MUC4: variants seen among roughly 807,000 people sequenced by gnomAD.
MUC4 encodes the protein mucin-4.
MUC4 carries 202 observed loss-of-function variants against 257.9 expected under a neutral mutation model. The observed-to-expected ratio is 0.78, with a 90% CI of 0.70 to 0.88. MUC4 has a LOEUF of 0.88. MUC4 is among the 40% of genes least tolerant of loss of function. The pLI, the probability that MUC4 is intolerant of heterozygous loss-of-function variation, is 0.00. For missense variants in MUC4, 5,976 were observed against 6,513.7 expected (o/e 0.92, Z 2.84); for synonymous variants, 2,351 against 2,757.1 (o/e 0.85, Z 4.62).
rs534667736 is a variant in MUC4, at chr3:195,811,823, C to A, written c.-6G>T. ...CTCCAGCGTGCCCCCTTCATGGCTG[C>A]GGCAAAAGTCCCCCTGGCTCCCTGG... On this transcript the variant is annotated 5_prime_UTR_variant, in exon 1 of 25. Transcript: ENST00000463781. 6 of 1,613,228 alleles carry A rather than the reference C, an allele frequency of 3.7e-6. No homozygotes were observed. The highest frequency in any genetic ancestry group is 2.7e-5 in the African/African-American group (2 of 74,910).
chr3:195,747,477 G>T, intron 24 of MUC4, 97 bp from the exon 25 acceptor site: 4 of 1,360,334 alleles, frequency 2.9e-6, no homozygotes, highest in South Asian at 2.5e-5. Context: ...TGTAGGAGAG[G>T]CTGGGCTCGC....
rs1340622092 is a variant in MUC4 at position 195,790,727 on chromosome 3, C to G, written c.853G>C (p.Val285Leu). The stretch of plus-strand genomic sequence containing the variant: ...GTGACTGGCATAAGACTTCCAGTAA[C>G]AGGTACTGATGATGTCTCCCCTGGG... The part of the protein sequence containing the change: ...GNPGETSSVP[V>L]TGSLMPVTSA... The change falls in exon 2 of 25, where the codon GTT (valine) becomes CTT (leucine). Residue 285 changes from valine to leucine, a missense_variant. Transcript: ENST00000463781. The G allele has an allele frequency of 6.2e-7, 1 of 1,613,986 alleles. No individual in the cohort carries two copies. The highest frequency in any genetic ancestry group is 8.5e-7 in the Non-Finnish European group (1 of 1,179,896).
At position 195,788,168 on chromosome 3, in the gene MUC4, G is replaced by A. The variant is rs761047565; in HGVS notation, c.3412C>T (p.Pro1138Ser). 1 of 1,471,410 alleles carries A rather than the reference G, an allele frequency of 6.8e-7. No homozygotes were observed. The allele number at this position is 1,471,410 out of a possible 1,614,324, so 91.1% of individuals were successfully genotyped here. A position where few individuals can be genotyped will look rare whatever the true frequency, so the allele number is the denominator to read the frequency against. ...GATACTGAGGAAGTGTCGGTGACAGGAAGAGAGGTGGCGTGACCTGTGGAT... is the reference window on the plus strand; with the variant it reads ...GATACTGAGGAAGTGTCGGTGACAGAAAGAGAGGTGGCGTGACCTGTGGAT... ...SASTGHATSL[P>S]VTDTSSVSTG... is the part of the protein sequence containing the mutation. The change falls in exon 2 of 25, where the codon CCT becomes TCT. Residue 1138 changes from proline to serine, a missense_variant. Around this residue, in one of 44 missense-constraint regions of MUC4, gnomAD observed 11 missense variants for 41.1 expected, o/e 0.27. Coordinates refer to ENST00000463781, the MANE Select transcript of MUC4 (RefSeq NM_018406.7).
At chr3:195,754,870 AATGT>A in intron 18 of MUC4, among the ~76,000 whole-genome samples, 1 of 38,164 alleles carries the variant, frequency 2.6e-5, no homozygotes, top group South Asian at 8.8e-4. Flanking sequence ...GATATGTATC[AATGT>A]ATGTATCCAT....
At chr3:195,794,026 C>T (rs761128772) in intron 1 of MUC4, among the ~76,000 whole-genome samples, 6 of 151,286 alleles carry the variant, frequency 4.0e-5, no homozygotes, top group Admixed American at 6.6e-5. Flanking sequence ...GAGGATCACT[C>T]GAGGCCAGGA....
At chr3:195,761,857 C>T (rs1560243038) in intron 14 of MUC4, among the ~76,000 whole-genome samples, 1 of 152,132 alleles carries the variant, frequency 6.6e-6, no homozygotes, top group African/African-American at 2.4e-5. Flanking sequence ...TGCCCCCCGC[C>T]TCCCCGCAGC....
intron 5 of MUC4, chr3:195,770,676 A>C: frequency 2.1e-6 from 1 of 480,514 alleles, no homozygotes; most frequent in Admixed American, 3.3e-5. Context: ...GCCCACTTTT[A>C]CCTCCCCATG....
chr3:195,779,506 G>A lies in MUC4; in HGVS notation c.12074C>T (p.Ala4025Val), dbSNP rs202013932. The change falls in exon 2 of 25, where the codon GCA becomes GTA. Residue 4025 changes from alanine to valine, a missense_variant. Around this residue, in one of 44 missense-constraint regions of MUC4, gnomAD observed 293 missense variants for 294.5 expected, o/e 1.00. Coordinates refer to ENST00000463781, the MANE Select transcript of MUC4 (RefSeq NM_018406.7). Reference sequence around the variant, plus strand: ...AACAGGGGTGGCGTGACCTGTGGATGCTGAGGAAGGGCTGGTGACAGGAAG... The same window carrying A: ...AACAGGGGTGGCGTGACCTGTGGATACTGAGGAAGGGCTGGTGACAGGAAG... ...TPLPVTSPSS[A>V]STGHATPVPV... The A allele has an allele frequency of 2.5e-3, 3,039 of 1,194,366 alleles. 587 individuals are homozygous for A. In the African/African-American group the frequency reaches 0.049, roughly 19 times the overall value. 74.0% of individuals were successfully genotyped at this position (1,194,366 alleles called of 1,614,324 possible).
In MUC4 at chr3:195,810,006, G is replaced by A. The variant is rs1248812752; in HGVS notation, c.82+1730C>T. On this transcript the variant is annotated intron_variant, in intron 1 of 24. Coordinates refer to ENST00000463781, the MANE Select transcript of MUC4 (RefSeq NM_018406.7). This position sits in a 1 kb window ranked among gnomAD's most constrained non-coding sequence, Gnocchi z 4.2. ...CGCTCTGGGAGTCATGATTCCCGTG[G>A]AGACTCCTTCAACCACATCTGCAGG... 5.3e-5 allele frequency: 8 copies of A among 152,348 alleles called. No homozygotes were observed. The highest frequency in any genetic ancestry group is 8.8e-5 in the Non-Finnish European group (6 of 68,208). 9.4% of individuals were successfully genotyped at this position (152,348 alleles called of 1,614,324 possible).
chr3:195,757,219 C>T lies in MUC4; in HGVS notation c.15096G>A (p.Val5032=), dbSNP rs909439301. ...GGCTCTCTGCATTGCAATGGCAGAC[C>T]ACAGTCCTGGGCTGGAGTGCAGATG... ...GLASALQPRT[V]VCHCNAESQC... The change falls in exon 18 of 25, where the codon GTG becomes GTA. Residue 5032 remains valine, a synonymous_variant. Coordinates refer to ENST00000463781, the MANE Select transcript of MUC4 (RefSeq NM_018406.7). This position sits in a 1 kb window ranked among gnomAD's most constrained non-coding sequence, Gnocchi z 4.8. The T allele has an allele frequency of 1.2e-6, 2 of 1,613,446 alleles. No individual in the cohort carries two copies. Among genetic ancestry groups the T allele is most frequent in the African/African-American group, 2.7e-5 (2 of 74,938 alleles).
rs773010447 is a variant in MUC4 at position 195,785,545 on chromosome 3, C to A, written c.6035G>T (p.Gly2012Val). ...PVTDTSSVST[G>V]QATPLPVTSL... ...GGTGACAGGAAGAGGGGTGGCCTGT[C>A]CTGTAGATACTGAGGAAGTGTCGGT... Residue 2012 changes from glycine (G) to valine (V), a missense_variant, in exon 2 of 25, where the codon GGA (glycine) becomes GTA (valine). Physicochemically the swap from Gly to Val is moderately radical, Grantham distance 109 (BLOSUM62 -3). Coordinates refer to ENST00000463781, the MANE Select transcript of MUC4 (RefSeq NM_018406.7). The A allele has an allele frequency of 6.7e-6, 10 of 1,499,252 alleles. No homozygotes were observed. Among genetic ancestry groups the A allele is most frequent in the Non-Finnish European group, 8.0e-6 (9 of 1,118,500 alleles). The allele number at this position is 1,499,252 out of a possible 1,614,324, so 92.9% of individuals were successfully genotyped here.
Position 195,782,523 on chromosome 3 carries a change from T to A in MUC4, c.9057A>T (p.Thr3019=), listed in dbSNP as rs1009478833. 9.3e-7 allele frequency: 1 copy of A among 1,071,092 alleles called. No individual in the cohort carries two copies. The highest frequency in any genetic ancestry group is 1.6e-5 in the South Asian group (1 of 64,342). 66.3% of individuals were successfully genotyped at this position (1,071,092 alleles called of 1,614,324 possible). ...TGACATGAAGAGGGGTGGCGTGACC[T>A]GTGGATATTGAGGAAGTGTCGGTGA... ...LPVTDTSSIS[T]GHATPLHVTS... Residue 3019 remains threonine, a synonymous_variant, in exon 2 of 25, where the codon ACA becomes ACT. Transcript: ENST00000463781.
At chr3:195,767,737 C>T (rs1025427994) in intron 7 of MUC4, among the ~76,000 whole-genome samples, 1 of 978 alleles carries the variant, frequency 1.0e-3, no homozygotes, top group African/African-American at 3.4e-3. Context: ...TCACCACCAC[C>T]ATCACCATCG....
At chr3:195,803,559 C>G (rs1428492498) in intron 1 of MUC4, among the ~76,000 whole-genome samples, 1 of 152,240 alleles carries the variant, frequency 6.6e-6, no homozygotes, top group Non-Finnish European at 1.5e-5. Context: ...CTCGTAGGCA[C>G]GTTATGACTC....
intron 13 of MUC4, 45 bp from the exon 14 acceptor site, chr3:195,762,299 CGGCCCGCACCAAACCCGCGCCCTGCCG>C (rs1719163913): frequency 1.3e-6 from 2 of 1,524,712 alleles, no homozygotes; most frequent in Admixed American, 2.1e-5. Context: ...GTCGGCACCA[CGGCCCGCACCAAACCCGCGCCCTGCCG>C]GGCCCGCACC....
chr3:195,752,869 C>A (rs1466050056), intron 20 of MUC4, among the ~76,000 whole-genome samples, 182 bp downstream of exon 20: 1 of 152,198 alleles, frequency 6.6e-6, no homozygotes, highest in South Asian at 2.1e-4. Flanking sequence ...GTGGTCCTTG[C>A]CGTGACAGCT....
rs184423577 is a variant in MUC4, at chr3:195,790,036, C to T, written c.1544G>A (p.Arg515Lys). Residue 515 changes from arginine (R) to lysine (K), a missense_variant, in exon 2 of 25, where the codon AGG becomes AAG. Arg to Lys is a conservative substitution (Grantham distance 26, BLOSUM62 2). Transcript: ENST00000463781. ...TGTAGATGGATTTCCTGTGACAAGC[C>T]TAGTGGCAGCACCTGTTGATGTTGA... The part of the protein sequence containing the change: ...LPSTSTGAAT[R>K]LVTGNPSTGT... The T allele has an allele frequency of 2.5e-6, 4 of 1,613,992 alleles. No individual in the cohort carries two copies. Among genetic ancestry groups the T allele is most frequent in the East Asian group, 2.2e-5 (1 of 44,884 alleles).
chr3:195,792,817 A>C (rs985986884), intron 1 of MUC4, among the ~76,000 whole-genome samples: 3 of 152,206 alleles, frequency 2.0e-5, no homozygotes, highest in Admixed American at 6.5e-5. Flanking sequence ...AAGGAATGGG[A>C]TCACGTCCTT....
At chr3:195,760,745 G>A in intron 16 of MUC4, 139 bp downstream of exon 16, 1 of 724,070 alleles carries the variant, frequency 1.4e-6, no homozygotes, top group Non-Finnish European at 2.4e-6. Flanking sequence ...GTCTCTGAAG[G>A]GTTTGAGCAG....
Sources: allele counts gnomAD v4.1 joint callset (sites outside exome capture counted in the v4.1 genomes callset), GRCh38; gene constraint gnomAD v4.1.1; regional missense constraint gnomAD v4.1.1; non-coding constraint Gnocchi (gnomAD v3.1); transcripts MANE v1.5; gene names NCBI Gene and HGNC (gene_info 2026-07-23, HGNC 2026-07-21).